AMELX: variants seen among roughly 807,000 people sequenced by gnomAD.
The protein encoded by AMELX is amelogenin, X isoform.
A neutral mutation model predicts 15.8 loss-of-function variants in AMELX; 9 were observed. That is an observed-to-expected ratio of 0.57 (90% CI 0.34 to 0.99). The LOEUF is 0.99. Ranked by LOEUF, AMELX falls within the 50% of genes least tolerant of loss-of-function variation. The pLI is 0.02. For synonymous variants in AMELX, 61 were observed against 58.8 expected (o/e 1.04, Z -0.17); for missense variants, 107 against 156.2 (o/e 0.68, Z 1.68).
chrX:11,299,871 A>G (rs2048147614), intron 5 of AMELX, among the ~76,000 whole-genome samples: 1 of 112,124 alleles, frequency 8.9e-6, no homozygotes, highest in Non-Finnish European at 1.9e-5. Flanking sequence ...GTTACTTCAA[A>G]TGTATCGGTG....
downstream of AMELX, among the ~76,000 whole-genome samples, chrX:11,301,794 G>A (rs1451273034): frequency 9.0e-6 from 1 of 111,700 alleles, no homozygotes; most frequent in East Asian, 2.8e-4. Flanking sequence ...TCTACCAAAG[G>A]GGTAAAATAA....
At chrX:11,295,696 G>C (rs997155514) in intron 2 of AMELX, among the ~76,000 whole-genome samples, 3 of 111,719 alleles carry the variant, frequency 2.7e-5, no homozygotes, top group African/African-American at 9.8e-5. Context: ...GCGATTCCTA[G>C]TTTCCTCAGG....
rs1284965506 is a variant in AMELX, at chrX:11,298,665, G to A, written c.262G>A (p.Val88Met). 8.3e-7 allele frequency: 1 copy of A among 1,210,897 alleles called. No individual in the cohort carries two copies. Among genetic ancestry groups the A allele is most frequent in the Admixed American group, 2.2e-5 (1 of 45,937 alleles). The change falls in exon 5 of 6, where the codon GTG becomes ATG. Residue 88 changes from valine to methionine, a missense_variant. Val to Met is a conservative substitution (Grantham distance 21, BLOSUM62 1). Coordinates refer to ENST00000380714, the MANE Select transcript of AMELX (RefSeq NM_001142.2). ...GCAGCCTCATCACCACATCCCAGTGGTGCCAGCTCAGCAGCCCGTGATCCC... is the reference window on the plus strand; with the variant it reads ...GCAGCCTCATCACCACATCCCAGTGATGCCAGCTCAGCAGCCCGTGATCCC... ...TLQPHHHIPVVPAQQPVIPQQ... is the reference protein window; with the variant it reads ...TLQPHHHIPVMPAQQPVIPQQ...
chrX:11,294,477 A>T lies in AMELX; in HGVS notation c.-12-300A>T, dbSNP rs5934996. On this transcript the variant is annotated intron_variant, in intron 1 of 5. Transcript: ENST00000380714. ...AAATACAATTTAGCTTCTATGACTA[A>T]GGGCTGTATAGGCATAGGAAAATGG... Among the ~76,000 whole-genome samples the T allele has an allele frequency of 0.29, 31,898 of 110,652 alleles. 3,616 individuals carry two copies. Among genetic ancestry groups the T allele is most frequent in the Middle Eastern group, 0.41 (87 of 214 alleles).
At chrX:11,307,244 A>G in the AMELX span, among the ~76,000 whole-genome samples, 1 of 111,273 alleles carries the variant, frequency 9.0e-6, no homozygotes, top group Non-Finnish European at 1.9e-5. Context: ...AGCCCATTTC[A>G]AGCAGCATTC....
At chrX:11,299,049 G>A in intron 5 of AMELX, 76 bp downstream of exon 5, 1 of 1,100,150 alleles carries the variant, frequency 9.1e-7, no homozygotes, top group Admixed American at 2.5e-5. Context: ...GAGTTCTAAG[G>A]TCTCCGACAA....
downstream of AMELX, among the ~76,000 whole-genome samples, chrX:11,301,375 A>G (rs2048173811): frequency 1.8e-5 from 2 of 112,093 alleles, no homozygotes; most frequent in African/African-American, 6.5e-5. Flanking sequence ...AGTCTTCAAA[A>G]TGTTAACAAA....
chrX:11,301,887 A>G (rs772192294), downstream of AMELX, among the ~76,000 whole-genome samples: 8 of 112,247 alleles, frequency 7.1e-5, no homozygotes, highest in East Asian at 2.0e-3. Context: ...AAATATGGCA[A>G]ATATCCTTGG....
chrX:11,299,548 A>C (rs1407893307), intron 5 of AMELX, among the ~76,000 whole-genome samples: 1 of 112,353 alleles, frequency 8.9e-6, no homozygotes, highest in African/African-American at 3.2e-5. Flanking sequence ...GGTTCTATAG[A>C]TGATTAAGCT....
In AMELX at chrX:11,298,516, A is replaced by G. The variant is rs1323660823; in HGVS notation, c.145-32A>G. 7 of 1,210,475 alleles carry G rather than the reference A, an allele frequency of 5.8e-6. No homozygotes were observed. In the South Asian group the frequency reaches 1.2e-4, roughly 21 times the overall value. On this transcript the variant is annotated intron_variant, in intron 4 of 5. Coordinates refer to ENST00000380714, the MANE Select transcript of AMELX (RefSeq NM_001142.2). ...TTCTCTGGTTGGAGTCACCTGAGCC[A>G]ATGGTAAACCTGCCTCTCTGTTTCT...
chrX:11,295,283 T>C (rs1308098713), intron 2 of AMELX, among the ~76,000 whole-genome samples: 1 of 111,087 alleles, frequency 9.0e-6, no homozygotes, highest in Admixed American at 9.5e-5. Flanking sequence ...CCTCCACATA[T>C]TGCTGCTCTT....
At chrX:11,297,994 G>T in intron 3 of AMELX, 4 of 779,202 alleles carry the variant, frequency 5.1e-6, no homozygotes, top group Non-Finnish European at 5.9e-6. Context: ...AATAATACTT[G>T]CCTCCTAGCA....
At chrX:11,309,029 T>C in the AMELX span, among the ~76,000 whole-genome samples, 4 of 111,806 alleles carry the variant, frequency 3.6e-5, no homozygotes, top group Non-Finnish European at 7.5e-5. Context: ...TGAGCTTTGA[T>C]GTTAAAAGAG....
chrX:11,307,585 A>G, the AMELX span, among the ~76,000 whole-genome samples: 1 of 112,716 alleles, frequency 8.9e-6, no homozygotes, highest in Admixed American at 9.4e-5. Flanking sequence ...GGAACTTGGG[A>G]TCAACTTGTT....
chrX:11,304,777 CTTTTTTTTT>C (rs953912280), downstream of AMELX, among the ~76,000 whole-genome samples: 7 of 50,286 alleles, frequency 1.4e-4, no homozygotes, highest in African/African-American at 3.5e-4. Context: ...CTTTCTTTTA[CTTTTTTTTT>C]TTTTTTTTTT....
chrX:11,303,921 G>A (rs1396464438), downstream of AMELX, among the ~76,000 whole-genome samples: 1 of 111,638 alleles, frequency 9.0e-6, no homozygotes, highest in Non-Finnish European at 1.9e-5. Context: ...TCATGTTAAT[G>A]AGCCCCAAGC....
chrX:11,300,042 T>G (rs2048150019), intron 5 of AMELX, among the ~76,000 whole-genome samples: 1 of 112,067 alleles, frequency 8.9e-6, no homozygotes, highest in African/African-American at 3.2e-5. Context: ...GGGGCAGAAT[T>G]TTTTGAAAAT....
chrX:11,303,750 T>C (rs2048200026), downstream of AMELX, among the ~76,000 whole-genome samples: 1 of 111,627 alleles, frequency 9.0e-6, no homozygotes, highest in African/African-American at 3.3e-5. Flanking sequence ...GGCTTTCCAG[T>C]GTGATGGTAG....
chrX:11,294,666 C>T (rs2048050948), intron 1 of AMELX, 111 bp from the exon 2 acceptor site: 1 of 814,610 alleles, frequency 1.2e-6, no homozygotes, highest in African/African-American at 2.0e-5. Context: ...ACAATGGCTC[C>T]ATCCTTCTTA....
Sources: gnomAD v4.1 joint callset for allele counts (sites outside exome capture counted in the v4.1 genomes callset) on GRCh38, gnomAD v4.1.1 for gene constraint, MANE v1.5 for transcripts, NCBI Gene and HGNC (gene_info 2026-07-23, HGNC 2026-07-21) for gene names.